Variants in LYPLA1 observed in about 807,000 individuals in gnomAD.
LYPLA1 encodes the protein lysophospholipase 1.
Under a neutral mutation model 34.0 loss-of-function variants are expected in LYPLA1, and 17 were observed. That is an observed-to-expected ratio of 0.50 (90% CI 0.34 to 0.75). LYPLA1 has a LOEUF of 0.75. LYPLA1 is among the 30% of genes least tolerant of loss of function. LYPLA1 has a pLI of 0.01. For synonymous variants in LYPLA1, 98 were observed against 100.8 expected (o/e 0.97, Z 0.17); for missense variants, 203 against 288.8 (o/e 0.70, Z 2.15).
At position 54,094,567 on chromosome 8, in the gene LYPLA1, A is replaced by T. The variant is rs534291337; in HGVS notation, c.101+6341T>A. On this transcript the variant is annotated intron_variant, in intron 2 of 8. Transcript: ENST00000316963. ...ATTTTGAATACTTATAAATACTAAA[A>T]CTGATATGTGTGTACATATGTATGT... Among the ~76,000 whole-genome samples, 318 of 152,282 alleles carry T rather than the reference A, an allele frequency of 2.1e-3. 1 individual carries two copies. The highest frequency in any genetic ancestry group is 7.2e-3 in the African/African-American group (301 of 41,558).
At chr8:54,099,998 T>C (rs1010527901) in intron 2 of LYPLA1, among the ~76,000 whole-genome samples, 11 of 152,156 alleles carry the variant, frequency 7.2e-5, no homozygotes, top group Non-Finnish European at 1.2e-4. Context: ...TGGTTCATTT[T>C]AAAGAAAATT....
At chr8:54,101,066 G>A (rs1810099063) in intron 1 of LYPLA1, 127 bp from the exon 2 acceptor site, 1 of 773,246 alleles carries the variant, frequency 1.3e-6, no homozygotes. Context: ...CACTATCTTC[G>A]GCGACTTAAT....
intron 5 of LYPLA1, among the ~76,000 whole-genome samples, chr8:54,061,849 G>C (rs1806656896): frequency 6.6e-6 from 1 of 151,914 alleles, no homozygotes; most frequent in Non-Finnish European, 1.5e-5. Context: ...GTTTTTTTTG[G>C]TTTGTTTTTG....
At chr8:54,079,901 C>T (rs1197254032) in intron 2 of LYPLA1, among the ~76,000 whole-genome samples, 5 of 152,104 alleles carry the variant, frequency 3.3e-5, no homozygotes, top group Non-Finnish European at 7.4e-5. Flanking sequence ...ATGGTTATTG[C>T]CAATGCTGAT....
intron 2 of LYPLA1, among the ~76,000 whole-genome samples, chr8:54,076,036 G>C (rs533674870): frequency 1.4e-4 from 22 of 152,226 alleles, no homozygotes; most frequent in Non-Finnish European, 2.9e-4. Context: ...GAAATGATAA[G>C]AAGTATGGCA....
intron 2 of LYPLA1, among the ~76,000 whole-genome samples, chr8:54,094,546 T>C (rs567961925): frequency 5.5e-4 from 84 of 152,342 alleles, no homozygotes; most frequent in African/African-American, 1.8e-3. Flanking sequence ...CTCAAGATTT[T>C]GAATACTTAT....
rs1810198701 is a variant in LYPLA1, at chr8:54,101,906, G to C, written c.-83C>G. 1.2e-6 allele frequency: 1 copy of C among 850,038 alleles called. No homozygotes were observed. 52.7% of individuals were successfully genotyped at this position (850,038 alleles called of 1,614,324 possible). ...AAGGGCGTGCGAGCGGCGAGTCCCG[G>C]CCGGCCCCACCGGGCGCACGCTCAG... is the stretch of plus-strand genomic sequence containing the variant. On this transcript the variant is annotated 5_prime_UTR_variant, in exon 1 of 9. Coordinates refer to ENST00000316963, the MANE Select transcript of LYPLA1 (RefSeq NM_006330.4).
chr8:54,043,402 A>C (rs1805419948), downstream of LYPLA1, among the ~76,000 whole-genome samples: 1 of 152,018 alleles, frequency 6.6e-6, no homozygotes, highest in Non-Finnish European at 1.5e-5. Context: ...CAGCCTCCTG[A>C]GTAGCTGGGA....
chr8:54,054,880 G>A, intron 6 of LYPLA1, 180 bp downstream of exon 6: 1 of 564,260 alleles, frequency 1.8e-6, no homozygotes, highest in Non-Finnish European at 3.1e-6. Context: ...GTGTATTATA[G>A]TTCTTTCAAG....
intron 2 of LYPLA1, among the ~76,000 whole-genome samples, chr8:54,099,917 C>T (rs1028165726): frequency 6.6e-6 from 1 of 152,074 alleles, no homozygotes; most frequent in Admixed American, 6.5e-5. Context: ...CTCTTGACAT[C>T]AAGTGAACTA....
chr8:54,055,014 A>G (rs772692014), intron 6 of LYPLA1, 46 bp downstream of exon 6: 9 of 1,149,896 alleles, frequency 7.8e-6, no homozygotes, highest in African/African-American at 7.7e-5. Context: ...AGACTTCTAA[A>G]TAAGTATACT....
chr8:54,072,674 C>A (rs1454677254), intron 2 of LYPLA1, among the ~76,000 whole-genome samples: 1 of 150,950 alleles, frequency 6.6e-6, no homozygotes, highest in Non-Finnish European at 1.5e-5. Flanking sequence ...AAAACATGAA[C>A]AGACACTTTT....
intron 6 of LYPLA1, chr8:54,053,713 A>G (rs1452338677): frequency 2.2e-6 from 1 of 456,308 alleles, no homozygotes; most frequent in African/African-American, 2.0e-5. Flanking sequence ...TAGGCTGCAA[A>G]AGCCAAGATG....
chr8:54,053,668 C>T (rs1806003272), intron 6 of LYPLA1: 1 of 456,128 alleles, frequency 2.2e-6, no homozygotes, highest in Admixed American at 2.4e-5. Context: ...TGTGGCTACA[C>T]CTGTAACATG....
chr8:54,056,140 C>T (rs1806192171), intron 5 of LYPLA1, among the ~76,000 whole-genome samples: 1 of 152,120 alleles, frequency 6.6e-6, no homozygotes, highest in African/African-American at 2.4e-5. Flanking sequence ...CAAATCTATA[C>T]ACACACACCT....
At chr8:54,055,210 T>C (rs1806124917) in intron 5 of LYPLA1, 77 bp from the exon 6 acceptor site, 5 of 801,460 alleles carry the variant, frequency 6.2e-6, no homozygotes, top group Admixed American at 2.6e-5. Flanking sequence ...AGGAAAAAAT[T>C]AGTAATAGAA....
chr8:54,070,733 T>A (rs1807398380), intron 2 of LYPLA1, among the ~76,000 whole-genome samples: 2 of 151,480 alleles, frequency 1.3e-5, no homozygotes, highest in African/African-American at 4.9e-5. Context: ...AAATAAAGAA[T>A]AAAATAAAAT....
At chr8:54,070,955 A>T (rs565361753) in intron 2 of LYPLA1, among the ~76,000 whole-genome samples, 1 of 152,328 alleles carries the variant, frequency 6.6e-6, no homozygotes, top group South Asian at 2.1e-4. Flanking sequence ...CGGTGAATAC[A>T]TCTAAAACCA....
chr8:54,062,039 T>A (rs1397921575), intron 5 of LYPLA1, among the ~76,000 whole-genome samples: 1 of 152,014 alleles, frequency 6.6e-6, no homozygotes, highest in Non-Finnish European at 1.5e-5. Flanking sequence ...GTATTTTCAG[T>A]AGAGATGGGG....
Sources: gnomAD v4.1 joint callset for allele counts (sites outside exome capture counted in the v4.1 genomes callset) on GRCh38, gnomAD v4.1.1 for gene constraint, MANE v1.5 for transcripts, NCBI Gene and HGNC (gene_info 2026-07-23, HGNC 2026-07-21) for gene names.